The following KANSL1 variants were observed in gnomAD, a reference collection of about 807,000 sequenced individuals.
KANSL1 encodes MLL1/MLL complex subunit KANSL1.
Under a neutral mutation model 103.6 loss-of-function variants are expected in KANSL1, and 22 were observed. That is an observed-to-expected ratio of 0.21 (90% CI 0.15 to 0.30). The LOEUF is 0.30. KANSL1 is among the 10% of genes least tolerant of loss of function. The pLI is 1.00. For synonymous variants in KANSL1, 600 were observed against 527.6 expected (o/e 1.14, Z -1.88); for missense variants, 1,337 against 1,399.8 (o/e 0.96, Z 0.72).
At chr17:46,031,849 G>A (rs1296329695) in intron 14 of KANSL1, 146 bp from the exon 15 acceptor site, 17 of 1,030,600 alleles carry the variant, frequency 1.6e-5, no homozygotes, top group Non-Finnish European at 2.0e-5. Flanking sequence ...CCCTCCTAGG[G>A]TATACCCAGA....
At chr17:46,194,553 A>G (rs190377612), upstream of KANSL1, among the ~76,000 whole-genome samples, 8 of 152,378 alleles carry the variant, frequency 5.3e-5, no homozygotes, top group South Asian at 1.2e-3. Context: ...ACAAAGTGTA[A>G]TTCTACCACC....
chr17:46,219,753 C>G (rs1288344638), intron 1 of KANSL1, among the ~76,000 whole-genome samples: 2 of 152,260 alleles, frequency 1.3e-5, no homozygotes, highest in African/African-American at 2.4e-5. Context: ...CCCAAGAGAA[C>G]ACATGTCCTA....
At chr17:46,092,986 T>C (rs2079470727) in intron 3 of KANSL1, 2 of 152,196 alleles carry the variant, frequency 1.3e-5, no homozygotes, top group South Asian at 2.1e-4. Flanking sequence ...TAAGATGATA[T>C]AACATATACA....
chr17:46,072,171 C>T (rs12150627), intron 4 of KANSL1, among the ~76,000 whole-genome samples: 1 of 151,880 alleles, frequency 6.6e-6, no homozygotes, highest in Non-Finnish European at 1.5e-5. Flanking sequence ...TTACGGGGGT[C>T]GTTTTTTCTA....
At chr17:46,067,968 G>A (rs1440750953) in intron 4 of KANSL1, among the ~76,000 whole-genome samples, 2 of 151,990 alleles carry the variant, frequency 1.3e-5, no homozygotes, top group East Asian at 1.9e-4. Flanking sequence ...AGAGAGAGAG[G>A]TTGACAGAGA....
rs2076975236 is a variant in KANSL1, at chr17:46,030,386, C to T, written c.*1090G>A. The T allele has an allele frequency of 6.6e-6, 1 of 151,816 alleles. No homozygotes were observed. The highest frequency in any genetic ancestry group is 1.5e-5 in the Non-Finnish European group (1 of 67,958). 9.4% of individuals were successfully genotyped at this position (151,816 alleles called of 1,614,324 possible). A position where few individuals can be genotyped will look rare whatever the true frequency, so the allele number is the denominator to read the frequency against. Reference sequence around the variant, plus strand: ...TACAAAATGGCCAAAAAAAAAGAGTCTTCTCCCCCCTCCCCCTTTTTGGTG... The same window carrying T: ...TACAAAATGGCCAAAAAAAAAGAGTTTTCTCCCCCCTCCCCCTTTTTGGTG... On this transcript the variant is annotated 3_prime_UTR_variant, in exon 15 of 15. Coordinates refer to ENST00000432791, the MANE Select transcript of KANSL1 (RefSeq NM_015443.4).
intron 2 of KANSL1, among the ~76,000 whole-genome samples, chr17:46,141,998 C>T (rs190168038): frequency 5.3e-5 from 8 of 152,330 alleles, no homozygotes; most frequent in Admixed American, 5.2e-4. Context: ...AAGCGATTCT[C>T]CAGCCTCAGC....
chr17:46,094,707 A>G lies in KANSL1; in HGVS notation c.1290-6T>C. On this transcript the variant is annotated splice_region_variant and splice_polypyrimidine_tract_variant and intron_variant, in intron 2 of 14. Transcript: ENST00000432791. ...TCCATTCTGACCTGCGTCTCCTAAA[A>G]GGAAATAAACTGAGTGAAATCCAAG... is the stretch of plus-strand genomic sequence containing the variant. The G allele has an allele frequency of 6.2e-7, 1 of 1,614,194 alleles. No individual in the cohort carries two copies.
intron 2 of KANSL1, among the ~76,000 whole-genome samples, chr17:46,120,237 T>C (rs4383188): frequency 0.15 from 22,685 of 151,946 alleles, 2,182 homozygotes; most frequent in Non-Finnish European, 0.22. Flanking sequence ...TTGAGGTATA[T>C]CAACATAGAC....
chr17:46,089,604 G>C lies in KANSL1; in HGVS notation c.1431+4956C>G, dbSNP rs142187825. 5.9e-3 allele frequency among the ~76,000 whole-genome samples: 864 copies of C among 146,580 alleles called. 10 individuals carry two copies. The highest frequency in any genetic ancestry group is 0.02 in the African/African-American group (812 of 39,880). On this transcript the variant is annotated intron_variant, in intron 3 of 14. Transcript: ENST00000432791. ...AGACCTGTGCAACCCAGGAAGTGCT[G>C]GGAAATCTTGGTGCAGCATGGAAAA...
intron 2 of KANSL1, among the ~76,000 whole-genome samples, chr17:46,112,668 G>A (rs1354223608): frequency 6.6e-6 from 1 of 151,980 alleles, no homozygotes; most frequent in Non-Finnish European, 1.5e-5. Flanking sequence ...CTGGGTGAGA[G>A]TGAGACATTG....
chr17:46,203,967 G>C (rs2047885928), intron 1 of KANSL1, among the ~76,000 whole-genome samples: 1 of 152,002 alleles, frequency 6.6e-6, no homozygotes, highest in African/African-American at 2.4e-5. Flanking sequence ...CTTGAGCCTA[G>C]GAGTTCTAGA....
chr17:46,032,307 C>G lies in KANSL1; in HGVS notation c.2838-8G>C. ...TCTGATGACCTGTAGGACCTGCACA[C>G]CAAGGAATGCAAATCTGAGTGCCTG... On this transcript the variant is annotated splice_polypyrimidine_tract_variant and splice_region_variant and intron_variant, in intron 13 of 14. Coordinates refer to ENST00000432791, the MANE Select transcript of KANSL1 (RefSeq NM_015443.4). 6.7e-7 allele frequency: 1 copy of G among 1,497,930 alleles called. No homozygotes were observed. The allele number at this position is 1,497,930 out of a possible 1,614,324, so 92.8% of individuals were successfully genotyped here.
At chr17:46,036,801 C>T (rs2077164054) in intron 10 of KANSL1, among the ~76,000 whole-genome samples, 1 of 151,838 alleles carries the variant, frequency 6.6e-6, no homozygotes, top group Non-Finnish European at 1.5e-5. Context: ...CTCACTGGAA[C>T]CTCCGCTTCC....
At chr17:46,160,899 T>C (rs1323121251) in intron 2 of KANSL1, among the ~76,000 whole-genome samples, 7 of 152,236 alleles carry the variant, frequency 4.6e-5, no homozygotes, top group Non-Finnish European at 1.0e-4. Context: ...TCTTGATCTC[T>C]TATTAGCTGT....
At chr17:46,189,982 G>A (rs994647062) in intron 1 of KANSL1, among the ~76,000 whole-genome samples, 11 of 150,938 alleles carry the variant, frequency 7.3e-5, no homozygotes, top group African/African-American at 2.7e-4. Flanking sequence ...GGCCTAATCA[G>A]AACCTCTCAA....
At chr17:46,154,300 G>A (rs1462840985) in intron 2 of KANSL1, among the ~76,000 whole-genome samples, 2 of 152,188 alleles carry the variant, frequency 1.3e-5, no homozygotes, top group African/African-American at 4.8e-5. Flanking sequence ...GACAAATGAG[G>A]GAGGATATTC....
chr17:46,105,933 ACACACACACACACACCCCC>A (rs1567680681), intron 2 of KANSL1, among the ~76,000 whole-genome samples: 5,008 of 97,626 alleles, frequency 0.051, 181 homozygotes, highest in Middle Eastern at 0.11. Flanking sequence ...ACACACACAC[ACACACACACACACACCCCC>A]CCAGAAGGGT....
At chr17:46,135,095 G>A (rs1235962685) in intron 2 of KANSL1, among the ~76,000 whole-genome samples, 8 of 151,894 alleles carry the variant, frequency 5.3e-5, no homozygotes, top group African/African-American at 9.7e-5. Flanking sequence ...CTACTCTTTT[G>A]TGCCCTCTAT....
Sources: allele counts gnomAD v4.1 joint callset (sites outside exome capture counted in the v4.1 genomes callset), GRCh38; gene constraint gnomAD v4.1.1; transcripts MANE v1.5; gene names NCBI Gene and HGNC (gene_info 2026-07-23, HGNC 2026-07-21).